MAP3K9: variants seen among roughly 807,000 people sequenced by gnomAD.
The protein encoded by MAP3K9 is mitogen-activated protein kinase kinase kinase 9, also known as mixed lineage kinase 1 (tyr and ser/thr specificity).
Under a neutral mutation model 95.8 loss-of-function variants are expected in MAP3K9, and 46 were observed. The observed-to-expected ratio is 0.48, with a 90% CI of 0.38 to 0.61. The LOEUF is 0.61. Ranked by LOEUF, MAP3K9 falls within the 20% of genes least tolerant of loss-of-function variation. The probability of loss-of-function intolerance (pLI) is 0.00; values close to 1 mark genes in which losing one functional copy is unlikely to be tolerated. For synonymous variants in MAP3K9, 533 were observed against 593.8 expected, an observed-to-expected ratio of 0.90 and a Z score of 1.49; for missense variants, 1,296 against 1,474.3, an observed-to-expected ratio of 0.88 and a Z score of 1.98.
intron 2 of MAP3K9, among the ~76,000 whole-genome samples, chr14:70,768,381 A>G (rs1056063267): frequency 6.6e-6 from 1 of 152,198 alleles, no homozygotes; most frequent in African/African-American, 2.4e-5. Context: ...ACATTGAGTA[A>G]CCTGTACAAA....
Position 70,774,996 on chromosome 14 carries a change from A to T in MAP3K9, c.821-13814T>A, listed in dbSNP as rs1266296362. On this transcript the variant is annotated intron_variant, in intron 2 of 11. Coordinates refer to ENST00000554752, the MANE Select transcript of MAP3K9 (RefSeq NM_001284230.2). ...AGACTCTGTCCCCAAAAAAAAAAAA[A>T]AAAAAAAAAAAAAAAAAAAGATATA... Among the ~76,000 whole-genome samples, 17 of 147,144 alleles carry T rather than the reference A, an allele frequency of 1.2e-4. 1 individual carries two copies. Among genetic ancestry groups the T allele is most frequent in the African/African-American group, 4.3e-4 (17 of 39,126 alleles).
intron 4 of MAP3K9, 131 bp downstream of exon 4, chr14:70,749,802 G>A: frequency 1.8e-6 from 2 of 1,087,830 alleles, no homozygotes; most frequent in South Asian, 1.6e-5. Context: ...GTTGCCCAGA[G>A]GATTCCTCCT....
At chr14:70,755,848 G>A (rs1459577135) in intron 3 of MAP3K9, among the ~76,000 whole-genome samples, 1 of 152,244 alleles carries the variant, frequency 6.6e-6, no homozygotes, top group African/African-American at 2.4e-5. Flanking sequence ...GGAGGCTTAA[G>A]TCCTGGGAAC....
At position 70,723,481 on chromosome 14, in the gene MAP3K9, G is replaced by A. The variant is rs2053779954; in HGVS notation, c.*6899C>T. 6.6e-6 allele frequency: 1 copy of A among 152,194 alleles called. No homozygotes were observed. Among genetic ancestry groups the A allele is most frequent in the Non-Finnish European group, 1.5e-5 (1 of 68,060 alleles). The allele number at this position is 152,194 out of a possible 1,614,324, so 9.4% of individuals were successfully genotyped here. A position where few individuals can be genotyped will look rare whatever the true frequency, so the allele number is the denominator to read the frequency against. ...ACAGGCAGATGACAGGTGAGCCAAG[G>A]ACACAACTCCTCCTTGGGCAAAGGG... On this transcript the variant is annotated 3_prime_UTR_variant, in exon 12 of 12. Transcript: ENST00000554752.
chr14:70,759,778 A>G (rs575510751), intron 3 of MAP3K9, among the ~76,000 whole-genome samples: 8 of 152,308 alleles, frequency 5.3e-5, no homozygotes, highest in Admixed American at 3.9e-4. Flanking sequence ...TTCTTGAGAC[A>G]GGGTCTCTCT....
intron 10 of MAP3K9, chr14:70,733,677 A>C (rs2053945108): frequency 1.4e-6 from 1 of 715,382 alleles, no homozygotes; most frequent in African/African-American, 1.7e-5. Flanking sequence ...CTGGTGAAGC[A>C]CAGTTGCTGG....
intron 1 of MAP3K9, among the ~76,000 whole-genome samples, chr14:70,801,755 G>A (rs1289995977): frequency 6.6e-6 from 1 of 152,202 alleles, no homozygotes; most frequent in Non-Finnish European, 1.5e-5. Context: ...GGATTCTCAG[G>A]GAAGGCAACA....
rs963438214 is a variant in MAP3K9, at chr14:70,722,606, C to T, written c.*7774G>A. 6 of 148,668 alleles carry T rather than the reference C, an allele frequency of 4.0e-5. No individual in the cohort carries two copies. Among genetic ancestry groups the T allele is most frequent in the African/African-American group, 1.2e-4 (5 of 40,104 alleles). 9.2% of individuals were successfully genotyped at this position (148,668 alleles called of 1,614,324 possible). On this transcript the variant is annotated 3_prime_UTR_variant, in exon 12 of 12. Transcript: ENST00000554752. ...CTGAGATCAGCATTACACTGTAATA[C>T]AATAAGAGGTTTAGCCATTGAACCA...
chr14:70,755,873 G>T (rs533195673), intron 3 of MAP3K9, among the ~76,000 whole-genome samples: 2 of 152,342 alleles, frequency 1.3e-5, no homozygotes, highest in East Asian at 3.9e-4. Flanking sequence ...CTAGACTAGA[G>T]CAACTAGAGA....
rs555610308 is a variant in MAP3K9 at position 70,776,562 on chromosome 14, G to T, written c.821-15380C>A. Among the ~76,000 whole-genome samples the T allele has an allele frequency of 6.0e-4, 91 of 152,272 alleles. 1 individual carries two copies. The highest frequency in any genetic ancestry group is 3.9e-4 in the Admixed American group (6 of 15,290). On this transcript the variant is annotated intron_variant, in intron 2 of 11. Coordinates refer to ENST00000554752, the MANE Select transcript of MAP3K9 (RefSeq NM_001284230.2). ...AGAGCTAGGAACCAAAAACTTAAAT[G>T]TTCACAAGTGTGAGAAAAAAACTAA...
chr14:70,730,342 G>A lies in MAP3K9; in HGVS notation c.*38C>T, dbSNP rs374406603. ...GTGCCCGCCAGCTCCCCTCATCTCC[G>A]CTGGCTGTCCCCCTTGCCCGCCCCA... On this transcript the variant is annotated 3_prime_UTR_variant, in exon 12 of 12. Transcript: ENST00000554752. The A allele has an allele frequency of 4.6e-5, 73 of 1,574,646 alleles. No individual in the cohort carries two copies. The highest frequency in any genetic ancestry group is 1.7e-4 in the Middle Eastern group (1 of 5,872).
chr14:70,754,183 C>G (rs74712632), intron 3 of MAP3K9, among the ~76,000 whole-genome samples: 1,581 of 152,212 alleles, frequency 0.01, 19 homozygotes, highest in Non-Finnish European at 0.017. Flanking sequence ...AACCCTCATT[C>G]AAAATGATGA....
intron 2 of MAP3K9, among the ~76,000 whole-genome samples, chr14:70,768,850 T>G (rs1047063494): frequency 6.6e-6 from 1 of 152,196 alleles, no homozygotes; most frequent in African/African-American, 2.4e-5. Flanking sequence ...AGGCTTCAAT[T>G]TGCTAAATGC....
In MAP3K9 at chr14:70,722,556, T is replaced by G. The variant is rs2053766250; in HGVS notation, c.*7824A>C. ...GTTATAACAGTTTTATTCAAGTCTC[T>G]GTGTGCTCTGGCATTGAGACCAGGC... On this transcript the variant is annotated 3_prime_UTR_variant, in exon 12 of 12. Transcript: ENST00000554752. The G allele has an allele frequency of 1.3e-5, 2 of 152,128 alleles. No homozygotes were observed. Among genetic ancestry groups the G allele is most frequent in the Non-Finnish European group, 2.9e-5 (2 of 68,016 alleles). 9.4% of individuals were successfully genotyped at this position (152,128 alleles called of 1,614,324 possible).
chr14:70,777,640 G>A (rs1248535237), intron 2 of MAP3K9, among the ~76,000 whole-genome samples: 2 of 152,102 alleles, frequency 1.3e-5, no homozygotes, highest in Admixed American at 6.6e-5. Flanking sequence ...CAAAGCATAA[G>A]GACCACTGGT....
chr14:70,753,832 G>A (rs927550208), intron 3 of MAP3K9, among the ~76,000 whole-genome samples: 3 of 152,122 alleles, frequency 2.0e-5, no homozygotes, highest in Non-Finnish European at 4.4e-5. Flanking sequence ...GGTGGAGGAG[G>A]GGTGTTTGAT....
At position 70,722,846 on chromosome 14, in the gene MAP3K9, G is replaced by A. The variant is rs769300140; in HGVS notation, c.*7534C>T. On this transcript the variant is annotated 3_prime_UTR_variant, in exon 12 of 12. Coordinates refer to ENST00000554752, the MANE Select transcript of MAP3K9 (RefSeq NM_001284230.2). ...GACACTGGAGCAGAGAAGGTCTAGGGATAAAAACTAGTAGCTAATTACAGA... is the reference window on the plus strand; with the variant it reads ...GACACTGGAGCAGAGAAGGTCTAGGAATAAAAACTAGTAGCTAATTACAGA... The A allele has an allele frequency of 6.6e-6, 1 of 152,194 alleles. No individual in the cohort carries two copies. The highest frequency in any genetic ancestry group is 1.5e-5 in the Non-Finnish European group (1 of 68,040). The allele number at this position is 152,194 out of a possible 1,614,324, so 9.4% of individuals were successfully genotyped here. A position where few individuals can be genotyped will look rare whatever the true frequency, so the allele number is the denominator to read the frequency against.
At chr14:70,807,201 C>T (rs1370328624) in intron 1 of MAP3K9, among the ~76,000 whole-genome samples, 1 of 152,182 alleles carries the variant, frequency 6.6e-6, no homozygotes, top group East Asian at 1.9e-4. Flanking sequence ...TAAAAAACAT[C>T]TAAAGATAGG....
rs2139688813 is a variant in MAP3K9, at chr14:70,727,720, T to C, written c.*2660A>G. ...AGAGATGGTAACTGTTCCTTCTTCATGGATGCTCACAGTAGCACCTTTGGA... is the reference window on the plus strand; with the variant it reads ...AGAGATGGTAACTGTTCCTTCTTCACGGATGCTCACAGTAGCACCTTTGGA... On this transcript the variant is annotated 3_prime_UTR_variant, in exon 12 of 12. Coordinates refer to ENST00000554752, the MANE Select transcript of MAP3K9 (RefSeq NM_001284230.2). The C allele has an allele frequency of 6.6e-6, 1 of 152,388 alleles. No individual in the cohort carries two copies. The highest frequency in any genetic ancestry group is 1.9e-4 in the East Asian group (1 of 5,190). The allele number at this position is 152,388 out of a possible 1,614,324, so 9.4% of individuals were successfully genotyped here. A position where few individuals can be genotyped will look rare whatever the true frequency, so the allele number is the denominator to read the frequency against.
Sources: gnomAD v4.1 joint callset for allele counts (sites outside exome capture counted in the v4.1 genomes callset) on GRCh38, gnomAD v4.1.1 for gene constraint, MANE v1.5 for transcripts, NCBI Gene and HGNC (gene_info 2026-07-23, HGNC 2026-07-21) for gene names.